The following PPIE variants were observed in gnomAD, a reference collection of about 807,000 sequenced individuals.
PPIE encodes the protein peptidylprolyl isomerase E.
Under a neutral mutation model 38.4 loss-of-function variants are expected in PPIE, and 20 were observed. The observed-to-expected ratio is 0.52, with a 90% CI of 0.37 to 0.76. The LOEUF (loss-of-function observed/expected upper bound fraction) is 0.76, where lower values mean the gene tolerates loss of function less well. PPIE is among the 30% of genes least tolerant of loss of function. PPIE has a pLI of 0.00. For synonymous variants in PPIE, 142 were observed against 135.7 expected (o/e 1.05, Z -0.32); for missense variants, 322 against 385.8 (o/e 0.83, Z 1.39).
At chr1:39,740,140 CAG>C in intron 1 of PPIE, 23 bp from the exon 2 acceptor site, 1 of 1,596,650 alleles carries the variant, frequency 6.3e-7, no homozygotes. Context: ...ATCAGTGGCT[CAG>C]AAGGCCCTTG....
rs757319543 is a variant in PPIE, at chr1:39,753,366, T to C, written c.*11T>C. 1.9e-5 allele frequency: 30 copies of C among 1,613,216 alleles called. No homozygotes were observed. Among genetic ancestry groups the C allele is most frequent in the Admixed American group, 5.0e-5 (3 of 59,928 alleles). The stretch of plus-strand genomic sequence containing the variant: ...GGGGAGTACGTGTGAGGCGGCACTC[T>C]CTCTGCTTCCCCCTCCGCTCTTGAC... On this transcript the variant is annotated 3_prime_UTR_variant, in exon 10 of 10. Transcript: ENST00000324379.
intron 9 of PPIE, 97 bp from the exon 10 acceptor site, chr1:39,753,190 C>T (rs1159507775): frequency 1.3e-6 from 2 of 1,589,808 alleles, no homozygotes; most frequent in Non-Finnish European, 1.7e-6. Flanking sequence ...TGCCCAGGTT[C>T]CGGGGTGGAA....
At chr1:39,752,098 CAAAA>C (rs200425207) in intron 8 of PPIE, among the ~76,000 whole-genome samples, 1 of 151,896 alleles carries the variant, frequency 6.6e-6, no homozygotes, top group South Asian at 2.1e-4. Context: ...ATCCCCATCT[CAAAA>C]AAAGTAAATT....
intron 9 of PPIE, chr1:39,762,538 T>A (rs1649133773): frequency 6.5e-7 from 1 of 1,550,124 alleles, no homozygotes; most frequent in Non-Finnish European, 8.7e-7. Flanking sequence ...TACCAAGGCA[T>A]CAAAAGCCAG....
At chr1:39,744,050 T>A (rs1484559039) in intron 6 of PPIE, 126 bp downstream of exon 6, 1 of 617,272 alleles carries the variant, frequency 1.6e-6, no homozygotes, top group Non-Finnish European at 2.8e-6. Flanking sequence ...AATGAATTCT[T>A]AGTACTTTGG....
rs536279982 is a variant in PPIE, at chr1:39,762,332, C to T, written c.838-1357C>T. ...TGCGATTACAGGGTGAGCCACCGCA[C>T]CTGATCAAGGCATCACCGTTGAACC... On this transcript the variant is annotated intron_variant, in intron 9 of 9. Transcript: ENST00000356511. 47 of 701,300 alleles carry T rather than the reference C, an allele frequency of 6.7e-5. No individual in the cohort carries two copies. The South Asian group carries it at 1.2e-3, about 18-fold the overall frequency. The allele number at this position is 701,300 out of a possible 1,614,324, so 43.4% of individuals were successfully genotyped here.
downstream of PPIE, chr1:39,761,488 G>C (rs1211913020): frequency 1.3e-5 from 2 of 152,022 alleles, no homozygotes; most frequent in Non-Finnish European, 2.9e-5. Context: ...GGGTGACATG[G>C]ACCAGAACAC....
At chr1:39,749,805 C>G (rs1647521568) in intron 8 of PPIE, among the ~76,000 whole-genome samples, 1 of 152,154 alleles carries the variant, frequency 6.6e-6, no homozygotes, top group Non-Finnish European at 1.5e-5. Flanking sequence ...AGTCCATTAG[C>G]ATGAAAGCAT....
At chr1:39,752,764 C>T in intron 8 of PPIE, 146 bp from the exon 9 acceptor site, 1 of 828,892 alleles carries the variant, frequency 1.2e-6, no homozygotes, top group Non-Finnish European at 1.9e-6. Context: ...TAACTGAATC[C>T]AAGATAAGGT....
chr1:39,760,989 C>T (rs1290896787), downstream of PPIE, among the ~76,000 whole-genome samples: 1 of 152,054 alleles, frequency 6.6e-6, no homozygotes, highest in Non-Finnish European at 1.5e-5. Context: ...GCCTCCCACA[C>T]CCTGGCCTCC....
intron 4 of PPIE, 119 bp downstream of exon 4, chr1:39,742,040 T>G: frequency 1.9e-6 from 2 of 1,034,180 alleles, no homozygotes; most frequent in Non-Finnish European, 2.9e-6. Flanking sequence ...AGGTAAAAAT[T>G]CTCACATGAA....
At chr1:39,750,905 G>A (rs1053900146) in intron 8 of PPIE, among the ~76,000 whole-genome samples, 13 of 152,130 alleles carry the variant, frequency 8.5e-5, no homozygotes, top group African/African-American at 3.1e-4. Flanking sequence ...GACCCACATC[G>A]TTATTTTAAA....
chr1:39,741,452 G>GTTGTTACTGATTACAAAGGAAGC (rs754205240), intron 3 of PPIE, 43 bp downstream of exon 3: 9 of 1,595,948 alleles, frequency 5.6e-6, no homozygotes, highest in Non-Finnish European at 7.7e-6. Flanking sequence ...GGTTTGTGAT[G>GTTGTTACTGATTACAAAGGAAGC]TTGTTACTGA....
intron 6 of PPIE, 131 bp downstream of exon 6, chr1:39,744,055 C>A: frequency 1.6e-6 from 1 of 607,740 alleles, no homozygotes; most frequent in Non-Finnish European, 2.8e-6. Flanking sequence ...ATTCTTAGTA[C>A]TTTGGTAAAG....
intron 8 of PPIE, among the ~76,000 whole-genome samples, chr1:39,751,038 G>C (rs964994215): frequency 6.6e-6 from 1 of 152,258 alleles, no homozygotes; most frequent in Admixed American, 6.5e-5. Context: ...AACACAAAGT[G>C]AATTATTCAG....
At chr1:39,759,948 G>A, downstream of PPIE, 1 of 173,868 alleles carries the variant, frequency 5.8e-6, no homozygotes, top group Admixed American at 5.6e-5. Flanking sequence ...TTGCACCTCG[G>A]GCAGGCAATG....
chr1:39,762,346 C>A, intron 9 of PPIE: 1 of 813,972 alleles, frequency 1.2e-6, no homozygotes, highest in Non-Finnish European at 1.8e-6. Context: ...ATCAAGGCAT[C>A]ACCGTTGAAC....
chr1:39,744,010 A>G, intron 6 of PPIE, 86 bp downstream of exon 6: 1 of 840,452 alleles, frequency 1.2e-6, no homozygotes, highest in South Asian at 1.7e-5. Context: ...GAAATTTGCC[A>G]ATATGTATAT....
rs1284443525 is a variant in PPIE, at chr1:39,741,883, T to C, written c.175-12T>C. ...GCAAGCCTAAACTTGTACCTTTGTC[T>C]TTCCTTGGCAGGATGCTGCAGCAGC... On this transcript the variant is annotated splice_polypyrimidine_tract_variant and intron_variant, in intron 3 of 9. Coordinates refer to ENST00000324379, the MANE Select transcript of PPIE (RefSeq NM_006112.4). The C allele has an allele frequency of 6.2e-7, 1 of 1,614,232 alleles. No homozygotes were observed. Among genetic ancestry groups the C allele is most frequent in the Non-Finnish European group, 8.5e-7 (1 of 1,180,020 alleles).
Sources: allele counts gnomAD v4.1 joint callset (sites outside exome capture counted in the v4.1 genomes callset), GRCh38; gene constraint gnomAD v4.1.1; transcripts MANE v1.5; gene names NCBI Gene and HGNC (gene_info 2026-07-23, HGNC 2026-07-21).